Variants in FAM135A observed in about 807,000 individuals in gnomAD.
FAM135A encodes the protein family with sequence similarity 135 member A.
Under a neutral mutation model 146.8 loss-of-function variants are expected in FAM135A, and 79 were observed. The ratio of observed to expected loss-of-function variants is 0.54; its 90% CI spans 0.45 to 0.65. The LOEUF (loss-of-function observed/expected upper bound fraction) is 0.65, where lower values mean the gene tolerates loss of function less well. Ranked by LOEUF, FAM135A falls within the 30% of genes least tolerant of loss-of-function variation. The probability of loss-of-function intolerance (pLI) is 0.00; values close to 1 mark genes in which losing one functional copy is unlikely to be tolerated. For synonymous variants in FAM135A, 562 were observed against 603.6 expected (o/e 0.93, Z 1.01); for missense variants, 1,623 against 1,758.2 (o/e 0.92, Z 1.38).
chr6:70,484,248 A>C (rs192972940), intron 10 of FAM135A, among the ~76,000 whole-genome samples: 15 of 152,312 alleles, frequency 9.8e-5, no homozygotes, highest in African/African-American at 3.6e-4. Context: ...TCACCCAGCA[A>C]AATGGGGCTT....
At chr6:70,414,572 T>G (rs530913449) in intron 1 of FAM135A, among the ~76,000 whole-genome samples, 16 of 152,194 alleles carry the variant, frequency 1.1e-4, no homozygotes, top group African/African-American at 3.4e-4. Flanking sequence ...GTTTTACTTT[T>G]TATTAAATCT....
chr6:70,533,318 T>G, intron 17 of FAM135A, 67 bp downstream of exon 17: 1 of 1,242,834 alleles, frequency 8.0e-7, no homozygotes, highest in South Asian at 1.3e-5. Flanking sequence ...AAATTTTGCC[T>G]TACTACAAAA....
chr6:70,449,174 T>C (rs1356517301), intron 4 of FAM135A, among the ~76,000 whole-genome samples: 7 of 152,244 alleles, frequency 4.6e-5, no homozygotes, highest in Non-Finnish European at 1.0e-4. Context: ...ATATATGGAG[T>C]ACAATGTAAT....
chr6:70,486,325 C>A, intron 10 of FAM135A: 2 of 1,156,760 alleles, frequency 1.7e-6, no homozygotes, highest in Non-Finnish European at 1.3e-6. Flanking sequence ...CATCAGATTT[C>A]ATAAATGTAT....
intron 20 of FAM135A, among the ~76,000 whole-genome samples, chr6:70,554,168 G>A (rs554126548): frequency 6.6e-6 from 1 of 151,872 alleles, no homozygotes; most frequent in East Asian, 1.9e-4. Flanking sequence ...ATATATGCCT[G>A]AAAACAAAGT....
At chr6:70,529,455 C>A (rs1246094953) in intron 16 of FAM135A, among the ~76,000 whole-genome samples, 11 of 142,626 alleles carry the variant, frequency 7.7e-5, no homozygotes, top group East Asian at 4.0e-4. Flanking sequence ...AAAAAAAAAA[C>A]CAGACTCTCA....
chr6:70,517,679 A>T (rs1792609747), intron 12 of FAM135A, among the ~76,000 whole-genome samples: 1 of 152,100 alleles, frequency 6.6e-6, no homozygotes, highest in Non-Finnish European at 1.5e-5. Flanking sequence ...TCGGCCTCCC[A>T]TAGTGGTGGG....
At chr6:70,499,647 C>G (rs1191433651) in intron 11 of FAM135A, among the ~76,000 whole-genome samples, 1 of 152,082 alleles carries the variant, frequency 6.6e-6, no homozygotes, top group East Asian at 1.9e-4. Flanking sequence ...TTATTGCTTC[C>G]TTCAGGAGCT....
chr6:70,534,952 AAGAGATT>A (rs1271083371), intron 18 of FAM135A, among the ~76,000 whole-genome samples: 1 of 152,200 alleles, frequency 6.6e-6, no homozygotes, highest in Non-Finnish European at 1.5e-5. Context: ...TGTTTGGAGG[AAGAGATT>A]ATTTTCTTGT....
chr6:70,490,774 G>A lies in FAM135A; in HGVS notation c.824-260G>A, dbSNP rs138321618. The stretch of plus-strand genomic sequence containing the variant: ...TCTTTTCTGTGACACAGTTGTGCAA[G>A]TTACTTTATGTATATAGTTAATATT... On this transcript the variant is annotated intron_variant, in intron 10 of 21. Transcript: ENST00000418814. 3.1e-3 allele frequency among the ~76,000 whole-genome samples: 465 copies of A among 152,070 alleles called. 1 individual carries two copies. The highest frequency in any genetic ancestry group is 0.01 in the African/African-American group (419 of 41,554).
intron 20 of FAM135A, among the ~76,000 whole-genome samples, chr6:70,544,671 G>A (rs1347218741): frequency 1.3e-5 from 2 of 152,098 alleles, no homozygotes; most frequent in Admixed American, 6.6e-5. Context: ...AACCAGGGAT[G>A]TGGAGGCTGC....
At chr6:70,494,282 A>G (rs1365993582) in intron 11 of FAM135A, among the ~76,000 whole-genome samples, 1 of 152,006 alleles carries the variant, frequency 6.6e-6, no homozygotes, top group Non-Finnish European at 1.5e-5. Flanking sequence ...GCAATCAAAC[A>G]AGATCAGTGA....
In FAM135A at chr6:70,513,374, A is replaced by G. The variant is rs1295241414; in HGVS notation, c.1030-9139A>G. The G allele has an allele frequency of 2.0e-5, 3 of 148,906 alleles. No individual in the cohort carries two copies. The East Asian group carries it at 5.8e-4, about 29-fold the overall frequency. The allele number at this position is 148,906 out of a possible 1,614,324, so 9.2% of individuals were successfully genotyped here. A position where few individuals can be genotyped will look rare whatever the true frequency, so the allele number is the denominator to read the frequency against. On this transcript the variant is annotated intron_variant, in intron 12 of 21. Coordinates refer to ENST00000418814, the MANE Select transcript of FAM135A (RefSeq NM_001162529.3). ...AAACCTTCCTCCACAGAAAATTTTA[A>G]ATCATGTCAATTTCTTTTTTTTTTT...
At chr6:70,469,447 A>G (rs1229053251) in intron 5 of FAM135A, among the ~76,000 whole-genome samples, 1 of 152,222 alleles carries the variant, frequency 6.6e-6, no homozygotes, top group Non-Finnish European at 1.5e-5. Context: ...AGAATTACTG[A>G]TTTTGTATAC....
intron 2 of FAM135A, among the ~76,000 whole-genome samples, chr6:70,422,905 G>C (rs1192015896): frequency 6.6e-6 from 1 of 152,200 alleles, no homozygotes; most frequent in Non-Finnish European, 1.5e-5. Context: ...AAACATTAAA[G>C]ACTAATAAGT....
chr6:70,457,148 A>G (rs1233661764), intron 5 of FAM135A, among the ~76,000 whole-genome samples: 1 of 152,224 alleles, frequency 6.6e-6, no homozygotes, highest in African/African-American at 2.4e-5. Context: ...CTGTGTTTTC[A>G]TAGCATGTCA....
intron 20 of FAM135A, among the ~76,000 whole-genome samples, chr6:70,556,544 T>G (rs913657606): frequency 6.6e-6 from 1 of 152,202 alleles, no homozygotes; most frequent in Non-Finnish European, 1.5e-5. Flanking sequence ...CACATTCTTA[T>G]ATCAGCATCA....
intron 4 of FAM135A, among the ~76,000 whole-genome samples, chr6:70,444,476 G>C (rs1775267168): frequency 6.6e-6 from 1 of 151,944 alleles, no homozygotes; most frequent in Non-Finnish European, 1.5e-5. Context: ...GAGATGGGAG[G>C]ATTGCTTAAG....
At chr6:70,494,788 C>G (rs1226866597) in intron 11 of FAM135A, among the ~76,000 whole-genome samples, 1 of 151,978 alleles carries the variant, frequency 6.6e-6, no homozygotes, top group East Asian at 1.9e-4. Flanking sequence ...TCTAGATAAC[C>G]TTGCTTTCAG....
Sources: allele counts gnomAD v4.1 joint callset (sites outside exome capture counted in the v4.1 genomes callset), GRCh38; gene constraint gnomAD v4.1.1; transcripts MANE v1.5; gene names NCBI Gene and HGNC (gene_info 2026-07-23, HGNC 2026-07-21).